The following PKP2 variants were observed in gnomAD, a reference collection of about 807,000 sequenced individuals.
PKP2 encodes plakophilin 2.
PKP2 carries 73 observed loss-of-function variants against 83.4 expected under a neutral mutation model. The ratio of observed to expected loss-of-function variants is 0.88; its 90% CI spans 0.72 to 1.06. The LOEUF is 1.06. PKP2 is among the 50% of genes least tolerant of loss of function. The pLI is 0.00. For synonymous variants in PKP2, 409 were observed against 430.4 expected (o/e 0.95, Z 0.62); for missense variants, 966 against 1,065.4 (o/e 0.91, Z 1.30).
intron 6 of PKP2, among the ~76,000 whole-genome samples, chr12:32,839,769 T>C (rs1467552364): frequency 6.6e-6 from 1 of 152,112 alleles, no homozygotes; most frequent in Non-Finnish European, 1.5e-5. Context: ...CTTTAAGACG[T>C]GAAATATGTT....
chr12:32,814,499 T>C (rs984097018), intron 9 of PKP2, among the ~76,000 whole-genome samples: 5 of 152,162 alleles, frequency 3.3e-5, no homozygotes, highest in Admixed American at 3.3e-4. Flanking sequence ...CCTCCTACCA[T>C]GTTTCTCTTC....
intron 9 of PKP2, among the ~76,000 whole-genome samples, chr12:32,818,520 T>C (rs1004359865): frequency 2.6e-5 from 4 of 152,216 alleles, no homozygotes; most frequent in Non-Finnish European, 4.4e-5. Context: ...TAACTTTTAC[T>C]ATACAATGTT....
chr12:32,802,541 C>T lies in PKP2; in HGVS notation c.2029G>A (p.Ala677Thr). ...CTTTCCTTCTGGACAACTGTCTGAG[C>T]CACTGATGTCGGCATCTGTTTTGTG... ...AGSGPMPTSV[A>T]QTVVQKESGL... The change falls in exon 10 of 13, where the codon GCT (alanine) becomes ACT (threonine). Residue 677 changes from alanine to threonine, a missense_variant. Ala to Thr is a moderately conservative substitution (Grantham distance 58). Coordinates refer to ENST00000340811, the MANE Select transcript of PKP2 (RefSeq NM_001005242.3). 6.2e-7 allele frequency: 1 copy of T among 1,614,030 alleles called. No homozygotes were observed. Among genetic ancestry groups the T allele is most frequent in the South Asian group, 1.1e-5 (1 of 91,090 alleles).
chr12:32,853,862 A>C (rs924061662), intron 4 of PKP2, among the ~76,000 whole-genome samples: 3 of 152,250 alleles, frequency 2.0e-5, no homozygotes, highest in African/African-American at 4.8e-5. Flanking sequence ...CTTGACTGGC[A>C]AAATAGCACT....
At chr12:32,891,156 CAGG>C (rs1011015278) in intron 1 of PKP2, among the ~76,000 whole-genome samples, 6 of 152,096 alleles carry the variant, frequency 3.9e-5, no homozygotes, top group Admixed American at 6.6e-5. Flanking sequence ...TTTACTTCCT[CAGG>C]AGAAGTAGGG....
Position 32,796,109 on chromosome 12 carries a change from G to T in PKP2, c.2357C>A (p.Ala786Asp), listed in dbSNP as rs1057518582. 6.2e-7 allele frequency: 1 copy of T among 1,612,820 alleles called. No homozygotes were observed. Among genetic ancestry groups the T allele is most frequent in the Non-Finnish European group, 8.5e-7 (1 of 1,178,848 alleles). Reference sequence around the variant, plus strand: ...TGACGGGCAGAACTGAAGGACTTACGCATCGCCTGCACTAATGGCCATAAT... The same window carrying T: ...TGACGGGCAGAACTGAAGGACTTACTCATCGCCTGCACTAATGGCCATAAT... ...QKIMAISAGD[A>D]YASNKASKAA... The change falls in exon 11 of 13, where the codon GCC (alanine) becomes GAC (aspartate). Residue 786 changes from alanine (A) to aspartate (D), a missense_variant and splice_region_variant. Transcript: ENST00000340811.
At chr12:32,821,965 GAGA>G (rs1368468063) in intron 8 of PKP2, among the ~76,000 whole-genome samples, 1 of 152,196 alleles carries the variant, frequency 6.6e-6, no homozygotes. Flanking sequence ...ACGATACTCA[GAGA>G]AGGAGGGGAG....
At chr12:32,820,785 C>G (rs957646747) in intron 9 of PKP2, 4 of 166,292 alleles carry the variant, frequency 2.4e-5, no homozygotes, top group African/African-American at 9.6e-5. Context: ...CTCATAGACA[C>G]AGGTATTGGT....
rs1956949832 is a variant in PKP2 at position 32,878,046 on chromosome 12, C to A, written c.834G>T (p.Gln278His). The A allele has an allele frequency of 1.2e-6, 2 of 1,613,962 alleles. No individual in the cohort carries two copies. The highest frequency in any genetic ancestry group is 1.7e-6 in the Non-Finnish European group (2 of 1,180,034). ...VGQVRPLVPL[Q>H]PVTQNRASRS... ...TGGAAGCCCTGTTCTGAGTGACGGG[C>A]TGCAGGGGCACCAGCGGCCTGACCT... is the stretch of plus-strand genomic sequence containing the variant. Residue 278 changes from glutamine (Q) to histidine (H), a missense_variant, in exon 3 of 13, where the codon CAG (glutamine) becomes CAT (histidine). Transcript: ENST00000340811.
At chr12:32,858,125 ATTTTATATT>A (rs1565592772) in intron 4 of PKP2, among the ~76,000 whole-genome samples, 25 of 96,824 alleles carry the variant, frequency 2.6e-4, no homozygotes, top group African/African-American at 9.3e-4. Context: ...ATTTATATAT[ATTTTATATT>A]TATATATATA....
intron 5 of PKP2, among the ~76,000 whole-genome samples, chr12:32,843,780 G>A (rs150074441): frequency 6.6e-6 from 1 of 152,292 alleles, no homozygotes; most frequent in African/African-American, 2.4e-5. Context: ...CTGGAAGAGG[G>A]ACAGATAAAA....
At chr12:32,864,483 A>G (rs889801874) in intron 4 of PKP2, among the ~76,000 whole-genome samples, 2 of 152,012 alleles carry the variant, frequency 1.3e-5, no homozygotes, top group African/African-American at 4.8e-5. Flanking sequence ...AAAAGACATG[A>G]AAGACCTCTA....
At chr12:32,837,989 T>C (rs765937978) in intron 6 of PKP2, among the ~76,000 whole-genome samples, 18 of 152,142 alleles carry the variant, frequency 1.2e-4, no homozygotes, top group Non-Finnish European at 2.2e-4. Flanking sequence ...TGGGTGTATA[T>C]ACAAAGGAAA....
intron 4 of PKP2, among the ~76,000 whole-genome samples, chr12:32,855,413 T>A (rs964756125): frequency 6.6e-6 from 1 of 152,332 alleles, no homozygotes; most frequent in Non-Finnish European, 1.5e-5. Context: ...GCAACTACCA[T>A]CACCTTTAAC....
chr12:32,847,841 C>T (rs967296250), intron 5 of PKP2, among the ~76,000 whole-genome samples: 2 of 152,076 alleles, frequency 1.3e-5, no homozygotes, highest in Admixed American at 6.6e-5. Flanking sequence ...TGGCATGTCC[C>T]TGTAGTCCCA....
chr12:32,889,644 T>C (rs1421144923), intron 1 of PKP2, among the ~76,000 whole-genome samples: 1 of 152,190 alleles, frequency 6.6e-6, no homozygotes, highest in Non-Finnish European at 1.5e-5. Flanking sequence ...GGAACTAAAA[T>C]GTGAGTATGA....
In PKP2 at chr12:32,871,623, G is replaced by A. The variant is rs144957990; in HGVS notation, c.1035-2561C>T. Among the ~76,000 whole-genome samples, 13 of 152,064 alleles carry A rather than the reference G, an allele frequency of 8.5e-5. No individual in the cohort carries two copies. In the East Asian group the frequency reaches 2.1e-3, roughly 25 times the overall value. On this transcript the variant is annotated intron_variant, in intron 3 of 12. Transcript: ENST00000340811. ...TGGGATTACAAGCACCCACCACCACGCCCGGCTAATTTTTCTATTTGTAGT... is the reference window on the plus strand; with the variant it reads ...TGGGATTACAAGCACCCACCACCACACCCGGCTAATTTTTCTATTTGTAGT...
intron 9 of PKP2, among the ~76,000 whole-genome samples, chr12:32,811,415 ACT>A (rs1290742581): frequency 1.3e-5 from 2 of 152,170 alleles, no homozygotes; most frequent in South Asian, 2.1e-4. Context: ...ATTAGCCATG[ACT>A]CTGGCAAACT....
At chr12:32,801,806 C>T (rs1477629546) in intron 10 of PKP2, among the ~76,000 whole-genome samples, 2 of 106,100 alleles carry the variant, frequency 1.9e-5, no homozygotes, top group East Asian at 7.4e-4. Flanking sequence ...AAAAAAGTAC[C>T]GTTATCATCT....
Sources: allele counts gnomAD v4.1 joint callset (sites outside exome capture counted in the v4.1 genomes callset), GRCh38; gene constraint gnomAD v4.1.1; transcripts MANE v1.5; gene names NCBI Gene and HGNC (gene_info 2026-07-23, HGNC 2026-07-21).